The following HLCS variants were observed in gnomAD, a reference collection of about 807,000 sequenced individuals.
HLCS encodes the protein holocarboxylase synthetase.
HLCS carries 53 observed loss-of-function variants against 75.0 expected under a neutral mutation model. The ratio of observed to expected loss-of-function variants is 0.71; its 90% CI spans 0.57 to 0.89. The LOEUF (loss-of-function observed/expected upper bound fraction) is 0.89, where lower values mean the gene tolerates loss of function less well. Ranked by LOEUF, HLCS falls within the 40% of genes least tolerant of loss-of-function variation. The pLI is 0.00. For missense variants in HLCS, 966 were observed against 1,074.0 expected (o/e 0.90, Z 1.41); for synonymous variants, 431 against 428.6 (o/e 1.01, Z -0.07).
intron 7 of HLCS, among the ~76,000 whole-genome samples, chr21:36,766,684 G>A (rs1448273644): frequency 6.6e-6 from 1 of 152,134 alleles, no homozygotes; most frequent in African/African-American, 2.4e-5. Context: ...CTGGGAGGAT[G>A]TGGGCTCTCG....
At chr21:36,846,964 C>A (rs2146119741) in intron 6 of HLCS, among the ~76,000 whole-genome samples, 1 of 152,326 alleles carries the variant, frequency 6.6e-6, no homozygotes, top group Non-Finnish European at 1.5e-5. Context: ...CCAGGAACAG[C>A]TCTCACAATT....
chr21:36,913,112 C>T (rs2065790733), intron 5 of HLCS, among the ~76,000 whole-genome samples: 2 of 152,266 alleles, frequency 1.3e-5, no homozygotes, highest in South Asian at 4.1e-4. Flanking sequence ...GCATCATTAG[C>T]ACCGTCCACA....
intron 6 of HLCS, among the ~76,000 whole-genome samples, chr21:36,852,924 T>C (rs1018860560): frequency 2.6e-5 from 4 of 152,128 alleles, no homozygotes; most frequent in African/African-American, 4.8e-5. Context: ...GATTTATAAA[T>C]TGCCTCCAGT....
intron 5 of HLCS, among the ~76,000 whole-genome samples, chr21:36,912,456 G>A (rs1348762436): frequency 6.6e-6 from 1 of 152,140 alleles, no homozygotes; most frequent in South Asian, 2.1e-4. Context: ...CATAAAAATG[G>A]AAAGTAGAAC....
intron 2 of HLCS, among the ~76,000 whole-genome samples, chr21:36,952,855 C>T (rs2067737554): frequency 6.7e-6 from 1 of 148,904 alleles, no homozygotes; most frequent in African/African-American, 2.5e-5. Context: ...TTAATTAAAT[C>T]TTCCTTGGAA....
chr21:36,890,611 A>G (rs1399000112), intron 6 of HLCS, among the ~76,000 whole-genome samples: 1 of 152,084 alleles, frequency 6.6e-6, no homozygotes, highest in African/African-American at 2.4e-5. Context: ...TTCATGCTCT[A>G]AGACAAGCCA....
chr21:36,815,331 A>T (rs776956830), intron 6 of HLCS, among the ~76,000 whole-genome samples: 1 of 78,160 alleles, frequency 1.3e-5, no homozygotes, highest in Non-Finnish European at 3.1e-5. Flanking sequence ...ACCTGGCCTC[A>T]ATGAAGCTTT....
chr21:36,837,043 C>T (rs1486914047), intron 6 of HLCS, among the ~76,000 whole-genome samples: 2 of 152,010 alleles, frequency 1.3e-5, no homozygotes, highest in East Asian at 3.9e-4. Context: ...ATTAGCCAGG[C>T]GTGGTGGCAT....
At chr21:36,914,486 A>G (rs2065845971) in intron 5 of HLCS, among the ~76,000 whole-genome samples, 1 of 152,206 alleles carries the variant, frequency 6.6e-6, no homozygotes, top group South Asian at 2.1e-4. Flanking sequence ...TTTATAATGT[A>G]AAGTGATAGC....
At chr21:36,971,364 T>G (rs573797269), upstream of HLCS, among the ~76,000 whole-genome samples, 9 of 152,320 alleles carry the variant, frequency 5.9e-5, no homozygotes, top group African/African-American at 9.6e-5. Context: ...AAATCACTGA[T>G]TCTGGTGTTC....
At chr21:36,773,066 G>T (rs1344381540) in intron 6 of HLCS, among the ~76,000 whole-genome samples, 2 of 151,626 alleles carry the variant, frequency 1.3e-5, no homozygotes, top group Admixed American at 1.3e-4. Flanking sequence ...TATAATCTCT[G>T]GGTGGTAAGA....
chr21:36,762,750 C>T (rs190855520), intron 8 of HLCS, among the ~76,000 whole-genome samples: 146 of 152,302 alleles, frequency 9.6e-4, no homozygotes, highest in African/African-American at 3.3e-3. Flanking sequence ...TTAAGGAGAA[C>T]GGGAACACAA....
intron 6 of HLCS, among the ~76,000 whole-genome samples, chr21:36,821,161 T>G (rs1355877474): frequency 3.3e-5 from 5 of 152,170 alleles, no homozygotes; most frequent in African/African-American, 4.8e-5. Flanking sequence ...GACAGTCCAC[T>G]TGGGTGACGG....
chr21:36,881,424 C>G (rs1050019286), intron 6 of HLCS, among the ~76,000 whole-genome samples: 1 of 152,186 alleles, frequency 6.6e-6, no homozygotes, highest in African/African-American at 2.4e-5. Context: ...GAAGGAAACT[C>G]CAATTACTCA....
At chr21:36,985,358 C>T (rs1212368335) in intron 1 of HLCS, among the ~76,000 whole-genome samples, 1 of 152,240 alleles carries the variant, frequency 6.6e-6, no homozygotes, top group Non-Finnish European at 1.5e-5. Context: ...CCCGGCTGGG[C>T]GCGGTGGCTC....
chr21:36,942,881 G>C (rs1441690328), intron 2 of HLCS, among the ~76,000 whole-genome samples: 1 of 151,824 alleles, frequency 6.6e-6, no homozygotes, highest in African/African-American at 2.4e-5. Flanking sequence ...AGTGAGCCAA[G>C]ATTGCACCAC....
At chr21:36,965,275 ATAT>A (rs1432487092) in intron 1 of HLCS, among the ~76,000 whole-genome samples, 1 of 152,238 alleles carries the variant, frequency 6.6e-6, no homozygotes, top group African/African-American at 2.4e-5. Flanking sequence ...AAGTGAGGCA[ATAT>A]TCCAGAAAAC....
intron 6 of HLCS, among the ~76,000 whole-genome samples, chr21:36,807,476 C>A (rs1374623043): frequency 1.3e-5 from 2 of 152,212 alleles, no homozygotes; most frequent in African/African-American, 4.8e-5. Context: ...TTAGGCACAG[C>A]TGCTCAGAAC....
chr21:36,885,500 C>G (rs2064411268), intron 6 of HLCS, among the ~76,000 whole-genome samples: 1 of 149,430 alleles, frequency 6.7e-6, no homozygotes, highest in African/African-American at 2.5e-5. Context: ...AGAGCAAGAT[C>G]CTGTCTCAAA....
Sources: gnomAD v4.1 joint callset for allele counts (sites outside exome capture counted in the v4.1 genomes callset) on GRCh38, gnomAD v4.1.1 for gene constraint, MANE v1.5 for transcripts, NCBI Gene and HGNC (gene_info 2026-07-23, HGNC 2026-07-21) for gene names.